Variants in ABR observed in about 807,000 individuals in gnomAD.
The protein encoded by ABR is ABR activator of RhoGEF and GTPase.
Under a neutral mutation model 107.2 loss-of-function variants are expected in ABR, and 35 were observed. That is an observed-to-expected ratio of 0.33 (90% confidence interval 0.25 to 0.43). The LOEUF is 0.43. ABR is among the 20% of genes least tolerant of loss of function. The pLI is 1.00. For missense variants in ABR, 815 were observed against 1,115.2 expected (o/e 0.73, Z 3.83); for synonymous variants, 498 against 462.0 (o/e 1.08, Z -1.00).
rs2440028 is a variant in ABR, at chr17:1,092,870, G to A, written c.346-1020C>T. On this transcript the variant is annotated intron_variant, in intron 3 of 22. Coordinates refer to ENST00000302538, the MANE Select transcript of ABR (RefSeq NM_021962.5). The surrounding 1 kb of genome is among the most constrained non-coding windows in gnomAD (Gnocchi z 4.6). ...TTTGGAGACGGAGTCTCGCTCTGTC[G>A]CCCAGGCTGGAGTGCAGTGGTGCGA... 0.77 allele frequency among the ~76,000 whole-genome samples: 114,252 copies of A among 148,178 alleles called. 44,215 individuals carry two copies. Among genetic ancestry groups the A allele is most frequent in the East Asian group, 0.89 (4,331 of 4,856 alleles).
intron 16 of ABR, among the ~76,000 whole-genome samples, chr17:1,021,441 C>T (rs1157634100): frequency 6.6e-6 from 1 of 152,224 alleles, no homozygotes; most frequent in Non-Finnish European, 1.5e-5. Flanking sequence ...CTACCCTCCA[C>T]CCTCTGAGCC....
chr17:1,032,398 C>T (rs1008175785), intron 16 of ABR, among the ~76,000 whole-genome samples: 20 of 152,188 alleles, frequency 1.3e-4, no homozygotes, highest in Non-Finnish European at 2.6e-4. Context: ...CAGTGGGAAT[C>T]GGGTCACTGA....
At chr17:1,187,953 C>A (rs1265452247), upstream of ABR, among the ~76,000 whole-genome samples, 1 of 151,994 alleles carries the variant, frequency 6.6e-6, no homozygotes, top group Non-Finnish European at 1.5e-5. Flanking sequence ...CAGAGGCTCA[C>A]ACCTGTAATC....
intron 1 of ABR, among the ~76,000 whole-genome samples, chr17:1,158,796 T>TA (rs2041146376): frequency 6.7e-6 from 1 of 150,018 alleles, no homozygotes; most frequent in African/African-American, 2.4e-5. Context: ...TGCGTAGGGC[T>TA]AGTCCAACCC....
rs1289991420 is a variant in ABR at position 1,157,309 on chromosome 17, G to C, written c.61+22358C>G. On this transcript the variant is annotated intron_variant, in intron 1 of 22. Coordinates refer to ENST00000302538, the MANE Select transcript of ABR (RefSeq NM_021962.5). This position sits in a 1 kb window ranked among gnomAD's most constrained non-coding sequence, Gnocchi z 4.7. ...TCTGTCGCCCAGGCTGGAGTGCAAA[G>C]GTGCAACCTTAGCTCACTGCAACCT... Among the ~76,000 whole-genome samples the C allele has an allele frequency of 6.6e-6, 1 of 150,700 alleles. No homozygotes were observed. Among genetic ancestry groups the C allele is most frequent in the Non-Finnish European group, 1.5e-5 (1 of 67,870 alleles).
chr17:1,173,686 C>T (rs370162594), intron 1 of ABR, among the ~76,000 whole-genome samples: 1 of 152,068 alleles, frequency 6.6e-6, no homozygotes, highest in African/African-American at 2.4e-5. Context: ...CTCAAGGAGC[C>T]AAGAACTCGA....
chr17:1,023,486 G>A lies in ABR; in HGVS notation c.1792-10322C>T, dbSNP rs1006484622. 3.9e-5 allele frequency among the ~76,000 whole-genome samples: 6 copies of A among 152,324 alleles called. No individual in the cohort carries two copies. In the East Asian group the frequency reaches 5.8e-4, roughly 15 times the overall value. ...GCCCTGCCCCAGCCCAGGGCAGGTC[G>A]AGGATGCCAGAGTGGCAAGGGCAGG... On this transcript the variant is annotated intron_variant, in intron 16 of 22. Coordinates refer to ENST00000302538, the MANE Select transcript of ABR (RefSeq NM_021962.5).
intron 2 of ABR, among the ~76,000 whole-genome samples, chr17:1,117,794 G>T (rs1423872995): frequency 1.5e-5 from 1 of 66,142 alleles, no homozygotes; most frequent in Non-Finnish European, 2.9e-5. Flanking sequence ...TCTCCCCAGC[G>T]TTATCCCTGA....
intron 1 of ABR, among the ~76,000 whole-genome samples, chr17:1,152,397 C>T (rs552466439): frequency 6.6e-6 from 1 of 151,648 alleles, no homozygotes; most frequent in Admixed American, 6.6e-5. Context: ...TGAGACCAGC[C>T]TGGTCAACAT....
At chr17:1,128,329 G>GCAGA (rs2039685632) in intron 1 of ABR, among the ~76,000 whole-genome samples, 1 of 152,230 alleles carries the variant, frequency 6.6e-6, no homozygotes, top group Admixed American at 6.5e-5. Context: ...GGTATGCTGA[G>GCAGA]CAGACAGCGG....
intron 1 of ABR, among the ~76,000 whole-genome samples, chr17:1,174,567 T>C (rs999752727): frequency 7.9e-5 from 12 of 152,130 alleles, no homozygotes; most frequent in Non-Finnish European, 1.5e-4. Flanking sequence ...ACTGAATCTA[T>C]AAAGGGCATG....
chr17:1,204,273 C>T (rs1020419576), intron 1 of ABR, among the ~76,000 whole-genome samples: 5 of 152,170 alleles, frequency 3.3e-5, no homozygotes, highest in Non-Finnish European at 7.4e-5. Flanking sequence ...GGTGAAACCC[C>T]GTCTCTACTA....
chr17:1,139,513 A>G (rs62069395), intron 1 of ABR, among the ~76,000 whole-genome samples: 5,500 of 151,758 alleles, frequency 0.036, 130 homozygotes, highest in Middle Eastern at 0.075. Flanking sequence ...CGGCCTCCCA[A>G]AATGCTGGGA....
At chr17:1,183,019 G>T (rs188426909), upstream of ABR, among the ~76,000 whole-genome samples, 5 of 152,318 alleles carry the variant, frequency 3.3e-5, no homozygotes, top group East Asian at 9.6e-4. Flanking sequence ...GAGTTGGGGA[G>T]ATCCAACGTC....
chr17:1,179,869 C>G lies in ABR; in HGVS notation c.-142G>C. On this transcript the variant is annotated 5_prime_UTR_variant, in exon 1 of 23. Transcript: ENST00000302538. This position sits in a 1 kb window ranked among gnomAD's most constrained non-coding sequence, Gnocchi z 4.9. ...GGGAACCAGGTCCCCGGGAGGAGCG[C>G]GGGGCGGCCGGGGCAGGGGCGAGGG... 1 of 653,072 alleles carries G rather than the reference C, an allele frequency of 1.5e-6. No individual in the cohort carries two copies. Among genetic ancestry groups the G allele is most frequent in the Non-Finnish European group, 2.2e-6 (1 of 448,508 alleles). The allele number at this position is 653,072 out of a possible 1,614,324, so 40.5% of individuals were successfully genotyped here. A position where few individuals can be genotyped will look rare whatever the true frequency, so the allele number is the denominator to read the frequency against.
chr17:1,142,762 T>C (rs1027481928), intron 1 of ABR, among the ~76,000 whole-genome samples: 2 of 152,076 alleles, frequency 1.3e-5, no homozygotes, highest in African/African-American at 2.4e-5. Context: ...TTTGCTCTGA[T>C]TGTGAACCAC....
intron 16 of ABR, among the ~76,000 whole-genome samples, chr17:1,035,399 C>A (rs1483627397): frequency 8.2e-6 from 1 of 122,196 alleles, no homozygotes; most frequent in East Asian, 2.6e-4. Flanking sequence ...TCCCCCACAC[C>A]TGCTCCCCCA....
chr17:1,178,980 G>C (rs1335016980), intron 1 of ABR, among the ~76,000 whole-genome samples: 4 of 151,896 alleles, frequency 2.6e-5, no homozygotes, highest in Non-Finnish European at 5.9e-5. Context: ...TGGGAGCGAG[G>C]GGGTGGAGAA....
chr17:1,108,810 G>C lies in ABR; in HGVS notation c.247-8075C>G, dbSNP rs2038440558. The C allele has an allele frequency of 1.4e-5, 17 of 1,212,052 alleles. No individual in the cohort carries two copies. In the South Asian group the frequency reaches 3.0e-4, roughly 21 times the overall value. 75.1% of individuals were successfully genotyped at this position (1,212,052 alleles called of 1,614,324 possible). A position where few individuals can be genotyped will look rare whatever the true frequency, so the allele number is the denominator to read the frequency against. ...CCCCCGGGAACAGCTGCCGGGGCCG[G>C]GACCCTCCGCCGAGGGCTTCCACCC... On this transcript the variant is annotated intron_variant, in intron 2 of 22. Coordinates refer to ENST00000302538, the MANE Select transcript of ABR (RefSeq NM_021962.5).
Sources: allele counts gnomAD v4.1 joint callset (sites outside exome capture counted in the v4.1 genomes callset), GRCh38; gene constraint gnomAD v4.1.1; non-coding constraint Gnocchi (gnomAD v3.1); transcripts MANE v1.5; gene names NCBI Gene and HGNC (gene_info 2026-07-23, HGNC 2026-07-21).